Variants in CCDC187 observed in about 807,000 individuals in gnomAD.
CCDC187 encodes coiled-coil domain containing 187.
A neutral mutation model predicts 38.0 loss-of-function variants in CCDC187; 32 were observed. The ratio of observed to expected loss-of-function variants is 0.84; its 90% CI spans 0.64 to 1.13. The LOEUF (loss-of-function observed/expected upper bound fraction) is 1.13. CCDC187 is among the 50% of genes most tolerant of loss of function. The pLI, the probability that CCDC187 is intolerant of heterozygous loss-of-function variation, is 0.00. For missense variants in CCDC187, 707 were observed against 786.8 expected (o/e 0.90, Z 1.21); for synonymous variants, 333 against 347.9 (o/e 0.96, Z 0.48).
chr9:136,257,466 C>G lies in CCDC187; in HGVS notation c.4367-625G>C, dbSNP rs912337385. ...CTTTTGCCAGAGCTTGTTCTTCCCC[C>G]TCGGTGCCGTCCGACAGACACTGGT... is the stretch of plus-strand genomic sequence containing the variant. On this transcript the variant is annotated intron_variant, in intron 22 of 25. Transcript: ENST00000638797. The surrounding 1 kb of genome is among the most constrained non-coding windows in gnomAD (Gnocchi z 4.5). 3.9e-5 allele frequency among the ~76,000 whole-genome samples: 6 copies of G among 152,182 alleles called. No individual in the cohort carries two copies. The highest frequency in any genetic ancestry group is 8.8e-5 in the Non-Finnish European group (6 of 68,038).
At position 136,302,843 on chromosome 9, in the gene CCDC187, T is replaced by C; in HGVS notation, c.594A>G (p.Ala198=). The C allele has an allele frequency of 2.5e-6, 1 of 398,770 alleles. No homozygotes were observed. The highest frequency in any genetic ancestry group is 4.4e-6 in the Non-Finnish European group (1 of 226,168). The allele number at this position is 398,770 out of a possible 1,614,324, so 24.7% of individuals were successfully genotyped here. The change falls in exon 2 of 26, where the codon GCA becomes GCG. Residue 198 remains alanine (A), a synonymous_variant. Transcript: ENST00000638797. ...ATTCAGGGGCTGGAGGGGGATTTTT[T>C]GCCTCTTGGCCTTTCCTCCTAAGCA... ...TLMLRRKGQE[A]KNPPPAPECS...
chr9:136,259,250 T>C (rs1249163462), intron 21 of CCDC187, 113 bp downstream of exon 21: 2 of 219,062 alleles, frequency 9.1e-6, no homozygotes, highest in African/African-American at 6.6e-5. Flanking sequence ...GGCAGAATGT[T>C]GGGGGGGAGG....
intron 18 of CCDC187, among the ~76,000 whole-genome samples, 197 bp downstream of exon 18, chr9:136,263,425 G>T (rs187783802): frequency 6.6e-6 from 1 of 152,166 alleles, no homozygotes; most frequent in South Asian, 2.1e-4. Flanking sequence ...TAGTAGAGAC[G>T]GGGTTTCACT....
intron 3 of CCDC187, among the ~76,000 whole-genome samples, chr9:136,298,347 A>G (rs998468564): frequency 0.026 from 3,945 of 151,918 alleles, 148 homozygotes; most frequent in East Asian, 0.14. Flanking sequence ...GGCACCATGG[A>G]GTGGACCCCT....
At chr9:136,275,649 G>A (rs1830918092) in intron 12 of CCDC187, among the ~76,000 whole-genome samples, 2 of 152,178 alleles carry the variant, frequency 1.3e-5, no homozygotes, top group Non-Finnish European at 2.9e-5. Flanking sequence ...TCAGCCACCC[G>A]ATCAATCCCC....
At position 136,260,267 on chromosome 9, in the gene CCDC187, G is replaced by A; in HGVS notation, c.4065-3C>T. On this transcript the variant is annotated splice_region_variant and splice_polypyrimidine_tract_variant and intron_variant, in intron 19 of 25. Transcript: ENST00000638797. The stretch of plus-strand genomic sequence containing the variant: ...CATCCTGCTGCTCAGTGGGAGGGCT[G>A]CACGGCCATGCAGAGTGGAGGTGAC... 1 of 985,158 alleles carries A rather than the reference G, an allele frequency of 1.0e-6. No individual in the cohort carries two copies. Among genetic ancestry groups the A allele is most frequent in the Non-Finnish European group, 1.2e-6 (1 of 829,978 alleles). The allele number at this position is 985,158 out of a possible 1,614,324, so 61.0% of individuals were successfully genotyped here. A position where few individuals can be genotyped will look rare whatever the true frequency, so the allele number is the denominator to read the frequency against.
At chr9:136,285,744 GC>G (rs1831163870) in intron 8 of CCDC187, 138 bp from the exon 9 acceptor site, 1 of 397,562 alleles carries the variant, frequency 2.5e-6, no homozygotes, top group Non-Finnish European at 4.4e-6. Flanking sequence ...TGGCCCTCAG[GC>G]CTCTCTGCTG....
At chr9:136,299,855 C>T (rs915981567) in intron 3 of CCDC187, among the ~76,000 whole-genome samples, 5 of 152,334 alleles carry the variant, frequency 3.3e-5, no homozygotes, top group African/African-American at 1.2e-4. Context: ...CTGGCAGGGA[C>T]CTGGAGGGCC....
At chr9:136,283,967 G>C (rs916693337) in intron 9 of CCDC187, among the ~76,000 whole-genome samples, 2 of 152,178 alleles carry the variant, frequency 1.3e-5, no homozygotes, top group Non-Finnish European at 2.9e-5. Flanking sequence ...GGTGGGGTTG[G>C]GAGTGAGATG....
rs1395907136 is a variant in CCDC187 at position 136,260,048 on chromosome 9, C to A, written c.4210+71G>T. On this transcript the variant is annotated intron_variant, in intron 20 of 25. Coordinates refer to ENST00000638797, the MANE Select transcript of CCDC187 (RefSeq NM_001378188.1). ...CTACCTGACCCTGGGCCTAATGCCA[C>A]CCCACACTGCCCAGGGCCCACTGAA... The A allele has an allele frequency of 3.1e-6, 3 of 979,412 alleles. No homozygotes were observed. The African/African-American group carries it at 5.3e-5, about 17-fold the overall frequency. 60.7% of individuals were successfully genotyped at this position (979,412 alleles called of 1,614,324 possible).
intron 14 of CCDC187, among the ~76,000 whole-genome samples, chr9:136,273,245 C>G (rs1203656943): frequency 1.3e-5 from 2 of 152,118 alleles, no homozygotes; most frequent in African/African-American, 4.8e-5. Context: ...TTTTTTTAAG[C>G]AAGATCCAAC....
intron 9 of CCDC187, among the ~76,000 whole-genome samples, chr9:136,283,255 A>C (rs1195413034): frequency 2.0e-5 from 3 of 152,200 alleles, no homozygotes; most frequent in Non-Finnish European, 4.4e-5. Flanking sequence ...TCTCAAAAAT[A>C]AAAACAAAAC....
In CCDC187 at chr9:136,290,586, T is replaced by TA. The variant is rs1282566874; in HGVS notation, c.2026dup (p.Tyr676LeufsTer79). 5.0e-6 allele frequency: 2 copies of TA among 398,704 alleles called. No homozygotes were observed. Among genetic ancestry groups the TA allele is most frequent in the East Asian group, 7.1e-5 (2 of 28,076 alleles). 24.7% of individuals were successfully genotyped at this position (398,704 alleles called of 1,614,324 possible). A position where few individuals can be genotyped will look rare whatever the true frequency, so the allele number is the denominator to read the frequency against. On this transcript the variant is annotated frameshift_variant, in exon 6 of 26. Transcript: ENST00000638797. LOFTEE classifies it high-confidence loss of function. ...GAGGACGGCCTCCCTCTGCTGCCGG[T>TA]AGACCTCCTGCAGCCTCCGGCTCCT...
chr9:136,302,428 C>T (rs1324663195), intron 2 of CCDC187, among the ~76,000 whole-genome samples: 2 of 151,516 alleles, frequency 1.3e-5, no homozygotes, highest in Non-Finnish European at 2.9e-5. Context: ...CCAGACTTTC[C>T]AAATCCCAGG....
intron 20 of CCDC187, among the ~76,000 whole-genome samples, chr9:136,259,814 G>C (rs546342129): frequency 6.6e-6 from 1 of 152,154 alleles, no homozygotes; most frequent in Non-Finnish European, 1.5e-5. Flanking sequence ...CTGAGTAGCC[G>C]CCCCATGAGG....
chr9:136,252,836 C>G lies in CCDC187; in HGVS notation c.*758G>C, dbSNP rs1271509957. ...CACACCTGGGAGATGGGTACAGCGG[C>G]CTGAGTCTGTCTCCAGGAGCGGCTT... On this transcript the variant is annotated 3_prime_UTR_variant, in exon 26 of 26. Coordinates refer to ENST00000638797, the MANE Select transcript of CCDC187 (RefSeq NM_001378188.1). 6.6e-6 allele frequency: 1 copy of G among 152,344 alleles called. No homozygotes were observed. Among genetic ancestry groups the G allele is most frequent in the Non-Finnish European group, 1.5e-5 (1 of 68,148 alleles). 9.4% of individuals were successfully genotyped at this position (152,344 alleles called of 1,614,324 possible).
chr9:136,251,097 A>T lies in CCDC187; in HGVS notation c.*2497T>A, dbSNP rs1554759336. ...AAGTGGAGGAGGCCTGAGGCCCTGG[A>T]CAGGAGAAGCCACATCCTGGAAGGA... On this transcript the variant is annotated 3_prime_UTR_variant, in exon 26 of 26. Transcript: ENST00000638797. 1 of 449,970 alleles carries T rather than the reference A, an allele frequency of 2.2e-6. No individual in the cohort carries two copies. Among genetic ancestry groups the T allele is most frequent in the Admixed American group, 2.4e-5 (1 of 42,474 alleles). 27.9% of individuals were successfully genotyped at this position (449,970 alleles called of 1,614,324 possible). A position where few individuals can be genotyped will look rare whatever the true frequency, so the allele number is the denominator to read the frequency against.
Position 136,250,890 on chromosome 9 carries a change from C to T in CCDC187, c.*2704G>A, listed in dbSNP as rs1410247918. On this transcript the variant is annotated 3_prime_UTR_variant, in exon 26 of 26. Coordinates refer to ENST00000638797, the MANE Select transcript of CCDC187 (RefSeq NM_001378188.1). ...AGGGGTGTCTGGAGAGGGGCTCTTG[C>T]CTCACGGCAGGGGGCCCAAAGAGGT... 1.3e-5 allele frequency: 6 copies of T among 452,256 alleles called. 1 individual carries two copies. Among genetic ancestry groups the T allele is most frequent in the Middle Eastern group, 6.6e-4 (2 of 3,028 alleles). The allele number at this position is 452,256 out of a possible 1,614,324, so 28.0% of individuals were successfully genotyped here. A position where few individuals can be genotyped will look rare whatever the true frequency, so the allele number is the denominator to read the frequency against.
In CCDC187 at chr9:136,290,732, C is replaced by G. The variant is rs1237931787; in HGVS notation, c.1881G>C (p.Arg627=). The G allele has an allele frequency of 2.5e-6, 1 of 398,492 alleles. No homozygotes were observed. The highest frequency in any genetic ancestry group is 4.4e-6 in the Non-Finnish European group (1 of 225,936). The allele number at this position is 398,492 out of a possible 1,614,324, so 24.7% of individuals were successfully genotyped here. Residue 627 remains arginine, a synonymous_variant, in exon 6 of 26, where the codon CGG becomes CGC. Transcript: ENST00000638797. ...AGCTGTGCGAGGGTCCCAGGAGCCC[C>G]CGGGACCTGGGGCAGGGCCGCAGCG... The part of the protein sequence containing the change: ...KDTLRPCPRS[R]GLLGPSHSSE...
Sources: gnomAD v4.1 joint callset for allele counts (sites outside exome capture counted in the v4.1 genomes callset) on GRCh38, gnomAD v4.1.1 for gene constraint, Gnocchi (gnomAD v3.1) non-coding constraint, MANE v1.5 for transcripts, NCBI Gene and HGNC (gene_info 2026-07-23, HGNC 2026-07-21) for gene names.